Variants in EYS observed in about 807,000 individuals in gnomAD.
The protein encoded by EYS is protein eyes shut homolog.
In EYS, 250 loss-of-function variants were observed where a neutral mutation model predicts 282.1. The ratio of observed to expected loss-of-function variants is 0.89; its 90% CI spans 0.80 to 0.98. The LOEUF (loss-of-function observed/expected upper bound fraction) is 0.98. Among genes scored for constraint, EYS ranks in the 50% least tolerant of loss-of-function variants. EYS has a pLI of 0.00. For synonymous variants in EYS, 1,355 were observed against 1,282.9 expected, an observed-to-expected ratio of 1.06 and a Z score of -1.20; for missense variants, 4,016 against 3,709.0, an observed-to-expected ratio of 1.08 and a Z score of -2.15.
In EYS at chr6:63,951,018, C is replaced by T. The variant is rs988415134; in HGVS notation, c.7055+33365G>A. Among the ~76,000 whole-genome samples, 6 of 152,166 alleles carry T rather than the reference C, an allele frequency of 3.9e-5. No homozygotes were observed. The Middle Eastern group carries it at 0.01, about 259-fold the overall frequency. On this transcript the variant is annotated intron_variant, in intron 35 of 42. Transcript: ENST00000503581. Reference sequence around the variant, plus strand: ...GAGGTGTCTGATCACCACGGGGATGCCTGCCTTGATCCTTCACCCTTAGTG... The same window carrying T: ...GAGGTGTCTGATCACCACGGGGATGTCTGCCTTGATCCTTCACCCTTAGTG...
At chr6:64,642,858 G>A (rs1320382467) in intron 22 of EYS, among the ~76,000 whole-genome samples, 1 of 152,218 alleles carries the variant, frequency 6.6e-6, no homozygotes, top group Non-Finnish European at 1.5e-5. Context: ...GCTCACGCCT[G>A]TAATCCCAGC....
chr6:64,098,401 C>A (rs145033712), intron 31 of EYS, among the ~76,000 whole-genome samples: 1 of 152,058 alleles, frequency 6.6e-6, no homozygotes, highest in Non-Finnish European at 1.5e-5. Flanking sequence ...GCAAAAGGAG[C>A]AAGCTGCAAA....
chr6:64,804,404 T>C (rs1016338954), intron 22 of EYS, among the ~76,000 whole-genome samples: 1 of 152,184 alleles, frequency 6.6e-6, no homozygotes, highest in African/African-American at 2.4e-5. Context: ...TTACCAAAAT[T>C]TAAATGGTGA....
At chr6:65,672,012 A>G (rs1768405740) in intron 1 of EYS, among the ~76,000 whole-genome samples, 1 of 152,082 alleles carries the variant, frequency 6.6e-6, no homozygotes, top group Non-Finnish European at 1.5e-5. Flanking sequence ...CCAGCTCAGC[A>G]TAACAGTTTC....
chr6:65,612,989 A>G (rs2149796088), intron 2 of EYS, among the ~76,000 whole-genome samples: 1 of 151,952 alleles, frequency 6.6e-6, no homozygotes, highest in East Asian at 1.9e-4. Context: ...ATAAATATAT[A>G]AAGAAAATAA....
intron 12 of EYS, among the ~76,000 whole-genome samples, chr6:65,288,262 A>G (rs1162144524): frequency 6.6e-6 from 1 of 150,952 alleles, no homozygotes; most frequent in African/African-American, 2.4e-5. Flanking sequence ...AGGGAATCCT[A>G]TAAATAAAGA....
rs188998860 is a variant in EYS at position 65,090,442 on chromosome 6, C to T, written c.2024-32715G>A. Among the ~76,000 whole-genome samples the T allele has an allele frequency of 5.2e-3, 798 of 152,200 alleles. 11 individuals carry two copies. Among genetic ancestry groups the T allele is most frequent in the Non-Finnish European group, 4.5e-3 (304 of 68,010 alleles). Reference sequence around the variant, plus strand: ...CTTTTTTCTTTATAAATTACCCAGTCTTGGGTACATCTTTACAACAGTGTG... The same window carrying T: ...CTTTTTTCTTTATAAATTACCCAGTTTTGGGTACATCTTTACAACAGTGTG... On this transcript the variant is annotated intron_variant, in intron 12 of 42. Coordinates refer to ENST00000503581, the MANE Select transcript of EYS (RefSeq NM_001142800.2).
At chr6:64,916,902 A>G (rs184387719) in intron 15 of EYS, among the ~76,000 whole-genome samples, 8 of 152,200 alleles carry the variant, frequency 5.3e-5, no homozygotes, top group Admixed American at 5.2e-4. Flanking sequence ...TGCTGATTTA[A>G]AGTACTAAAG....
chr6:65,703,813 G>A (rs1355545596), intron 1 of EYS, among the ~76,000 whole-genome samples: 2 of 152,012 alleles, frequency 1.3e-5, no homozygotes, highest in African/African-American at 4.8e-5. Context: ...CCAAGACCTT[G>A]AGGACAGAAA....
In EYS at chr6:64,475,602, C is replaced by G. The variant is rs536526066; in HGVS notation, c.5645-36250G>C. Among the ~76,000 whole-genome samples the G allele has an allele frequency of 1.1e-4, 16 of 149,130 alleles. 1 individual carries two copies. Among genetic ancestry groups the G allele is most frequent in the Admixed American group, 9.3e-4 (14 of 14,988 alleles). On this transcript the variant is annotated intron_variant, in intron 26 of 42. Transcript: ENST00000503581. The stretch of plus-strand genomic sequence containing the variant: ...AAGAAAAAATACCAAATACTTAACA[C>G]AGTTCCTGGCACATAGAAAACACTT...
intron 22 of EYS, among the ~76,000 whole-genome samples, chr6:64,798,237 T>G (rs1774420395): frequency 1.3e-5 from 2 of 151,944 alleles, no homozygotes; most frequent in South Asian, 4.1e-4. Flanking sequence ...AATTACATAC[T>G]CATATCTCCC....
At chr6:64,291,968 C>T (rs1245461726) in intron 30 of EYS, among the ~76,000 whole-genome samples, 1 of 152,080 alleles carries the variant, frequency 6.6e-6, no homozygotes, top group East Asian at 1.9e-4. Flanking sequence ...GGCTTATACA[C>T]AATATCATTT....
chr6:64,715,852 C>T (rs1050314834), intron 22 of EYS, among the ~76,000 whole-genome samples: 1 of 152,174 alleles, frequency 6.6e-6, no homozygotes, highest in Non-Finnish European at 1.5e-5. Flanking sequence ...AGGTTGAATA[C>T]GTCACACAAG....
At chr6:63,829,710 A>G (rs1771573517) in intron 36 of EYS, among the ~76,000 whole-genome samples, 1 of 152,192 alleles carries the variant, frequency 6.6e-6, no homozygotes, top group Non-Finnish European at 1.5e-5. Context: ...CTTTGAAGAG[A>G]GTAGTGGTTC....
chr6:64,110,525 G>A (rs1461933512), intron 31 of EYS, among the ~76,000 whole-genome samples: 3 of 151,922 alleles, frequency 2.0e-5, no homozygotes, highest in Non-Finnish European at 4.4e-5. Flanking sequence ...GGTGTTTGTT[G>A]GCTATGGCTA....
chr6:64,104,018 G>A (rs191661595), intron 31 of EYS, among the ~76,000 whole-genome samples: 1 of 152,100 alleles, frequency 6.6e-6, no homozygotes. Flanking sequence ...GGAAACCGAG[G>A]ATGAAGAGTT....
chr6:65,538,839 C>A (rs979713854), intron 2 of EYS, among the ~76,000 whole-genome samples: 1 of 152,152 alleles, frequency 6.6e-6, no homozygotes, highest in Admixed American at 6.5e-5. Context: ...ACCTCACCCC[C>A]CTGCCTTCAC....
intron 35 of EYS, among the ~76,000 whole-genome samples, chr6:63,934,406 C>A (rs1198715706): frequency 1.3e-5 from 2 of 151,928 alleles, no homozygotes; most frequent in East Asian, 3.9e-4. Context: ...TGGGTATATA[C>A]CCAAAGGATT....
chr6:64,289,183 A>C (rs1311766719), intron 30 of EYS, among the ~76,000 whole-genome samples: 1 of 151,950 alleles, frequency 6.6e-6, no homozygotes, highest in Non-Finnish European at 1.5e-5. Context: ...ACAACACCAA[A>C]CATGGCAATA....
Sources: allele counts gnomAD v4.1 joint callset (sites outside exome capture counted in the v4.1 genomes callset), GRCh38; gene constraint gnomAD v4.1.1; transcripts MANE v1.5; gene names NCBI Gene and HGNC (gene_info 2026-07-23, HGNC 2026-07-21).